EPYC: variants seen among roughly 807,000 people sequenced by gnomAD.
EPYC encodes dermatan sulfate proteoglycan 3.
Under a neutral mutation model 30.1 loss-of-function variants are expected in EPYC, and 28 were observed. The observed-to-expected ratio is 0.93, with a 90% CI of 0.69 to 1.28. The LOEUF (loss-of-function observed/expected upper bound fraction) is 1.28. EPYC is among the 50% of genes most tolerant of loss of function. EPYC has a pLI of 0.00. For synonymous variants in EPYC, 144 were observed against 141.4 expected (o/e 1.02, Z -0.13); for missense variants, 382 against 383.5 (o/e 1.00, Z 0.03).
intron 5 of EPYC, among the ~76,000 whole-genome samples, chr12:90,970,443 C>G (rs1011062055): frequency 5.9e-5 from 9 of 152,212 alleles, no homozygotes; most frequent in Admixed American, 1.3e-4. Context: ...AGCAAGGCTG[C>G]TTCTTCCTAT....
intron 3 of EPYC, among the ~76,000 whole-genome samples, chr12:90,977,693 T>C (rs140195409): frequency 9.2e-4 from 140 of 152,256 alleles, no homozygotes; most frequent in African/African-American, 3.1e-3. Context: ...GCTCAATTAG[T>C]GCAAAATATT....
chr12:90,999,045 T>C (rs1332504697), intron 2 of EPYC, among the ~76,000 whole-genome samples: 3 of 152,138 alleles, frequency 2.0e-5, no homozygotes, highest in African/African-American at 4.8e-5. Flanking sequence ...ATCTCTGTCA[T>C]GCTTCAAATT....
chr12:90,991,348 T>C (rs1214906535), intron 2 of EPYC, among the ~76,000 whole-genome samples: 2 of 152,152 alleles, frequency 1.3e-5, no homozygotes, highest in East Asian at 1.9e-4. Flanking sequence ...ATGAAAATTA[T>C]GCATATTAAT....
intron 6 of EPYC, among the ~76,000 whole-genome samples, chr12:90,966,971 C>A (rs1876912628): frequency 6.6e-6 from 1 of 151,952 alleles, no homozygotes; most frequent in South Asian, 2.1e-4. Flanking sequence ...GTAATGTCCC[C>A]TTTCTTATTC....
intron 3 of EPYC, among the ~76,000 whole-genome samples, chr12:90,974,007 T>G (rs185570426): frequency 2.5e-4 from 37 of 149,952 alleles, no homozygotes; most frequent in Admixed American, 2.2e-3. Flanking sequence ...TATCTTGACA[T>G]ACTGATTTTT....
intron 2 of EPYC, among the ~76,000 whole-genome samples, chr12:90,991,872 G>A (rs1034158140): frequency 1.3e-5 from 2 of 152,112 alleles, no homozygotes; most frequent in South Asian, 4.1e-4. Flanking sequence ...TCGGATGTAG[G>A]AGACAGAAAC....
chr12:90,998,374 G>T (rs998718158), intron 2 of EPYC, among the ~76,000 whole-genome samples: 8 of 151,998 alleles, frequency 5.3e-5, no homozygotes, highest in African/African-American at 1.9e-4. Context: ...TGGCATTGTT[G>T]GGTCTAAAAC....
intron 2 of EPYC, among the ~76,000 whole-genome samples, chr12:90,983,765 C>G (rs904385088): frequency 4.6e-5 from 7 of 152,132 alleles, no homozygotes; most frequent in Admixed American, 1.3e-4. Context: ...CTTCTAAAAA[C>G]CACTCCATCT....
At chr12:90,998,567 T>C (rs751576013) in intron 2 of EPYC, among the ~76,000 whole-genome samples, 2 of 152,100 alleles carry the variant, frequency 1.3e-5, no homozygotes, top group African/African-American at 2.4e-5. Context: ...CAAAGCTCAA[T>C]TGAGATTCTT....
chr12:90,988,384 A>T (rs1877502812), intron 2 of EPYC, among the ~76,000 whole-genome samples: 1 of 152,114 alleles, frequency 6.6e-6, no homozygotes, highest in South Asian at 2.1e-4. Flanking sequence ...CTGTGTTCAG[A>T]GAGGAATGGT....
chr12:90,964,061 C>T lies in EPYC; in HGVS notation c.*95G>A. The T allele has an allele frequency of 1.0e-6, 1 of 977,076 alleles. No individual in the cohort carries two copies. The highest frequency in any genetic ancestry group is 1.5e-6 in the Non-Finnish European group (1 of 661,606). The allele number at this position is 977,076 out of a possible 1,614,324, so 60.5% of individuals were successfully genotyped here. On this transcript the variant is annotated 3_prime_UTR_variant, in exon 7 of 7. Transcript: ENST00000261172. Reference sequence around the variant, plus strand: ...TGTAGTCATATCATCTCTCAGAACACAATCTCAAAGTATCATGCTGAGTTT... The same window carrying T: ...TGTAGTCATATCATCTCTCAGAACATAATCTCAAAGTATCATGCTGAGTTT...
At chr12:91,003,112 T>A (rs1241123225) in intron 1 of EPYC, among the ~76,000 whole-genome samples, 3 of 152,134 alleles carry the variant, frequency 2.0e-5, no homozygotes, top group Non-Finnish European at 2.9e-5. Context: ...AAAATAATTT[T>A]AAAAATAGGA....
At chr12:90,972,212 C>G (rs1346143932) in intron 4 of EPYC, among the ~76,000 whole-genome samples, 2 of 152,102 alleles carry the variant, frequency 1.3e-5, no homozygotes, top group African/African-American at 2.4e-5. Flanking sequence ...AATTGGTACA[C>G]CACGTTTAAA....
Position 90,972,979 on chromosome 12 carries a change from G to C in EPYC, c.342C>G (p.Asp114Glu), listed in dbSNP as rs202056300. The C allele has an allele frequency of 1.3e-4, 211 of 1,566,144 alleles. No homozygotes were observed. Among genetic ancestry groups the C allele is most frequent in the Non-Finnish European group, 1.8e-4 (204 of 1,153,654 alleles). Residue 114 changes from aspartate to glutamate, a missense_variant and splice_region_variant, in exon 4 of 7, where the codon GAC (aspartate) becomes GAG (glutamate). Physicochemically the swap from Asp to Glu is conservative, Grantham distance 45. Transcript: ENST00000261172. ...TGVLGPHTNEDFPTCLLCTCI... is the reference protein window; with the variant it reads ...TGVLGPHTNEEFPTCLLCTCI... ...AAGTACACAAAAGACAGGTTGGAAA[G>C]TCTAAAAGATAAAGGAAAATAAAAT...
At position 90,971,875 on chromosome 12, in the gene EPYC, C is replaced by T. The variant is rs762753449; in HGVS notation, c.627G>A (p.Leu209=). The T allele has an allele frequency of 1.2e-6, 2 of 1,612,040 alleles. No individual in the cohort carries two copies. Among genetic ancestry groups the T allele is most frequent in the Non-Finnish European group, 1.7e-6 (2 of 1,179,196 alleles). Residue 209 remains leucine, a synonymous_variant, in exon 5 of 7, where the codon TTG becomes TTA. Coordinates refer to ENST00000261172, the MANE Select transcript of EPYC (RefSeq NM_004950.5). ...RDNKIRQLPE[L]PTTLTFIDIS... is the part of the protein sequence containing the mutation. ...TATCAATAAATGTCAAAGTGGTTGG[C>T]AATTCTGGGAGCTGCCTTATTTTGT...
intron 3 of EPYC, 131 bp downstream of exon 3, chr12:90,977,957 G>A (rs1877226422): frequency 1.7e-6 from 1 of 572,292 alleles, no homozygotes; most frequent in South Asian, 5.2e-5. Flanking sequence ...GTATAAATAT[G>A]CTTCAAACCT....
At chr12:90,971,494 AC>A (rs1565870708) in intron 5 of EPYC, among the ~76,000 whole-genome samples, 1 of 151,904 alleles carries the variant, frequency 6.6e-6, no homozygotes, top group Non-Finnish European at 1.5e-5. Context: ...ATATGGCGAA[AC>A]CATGTCTCTA....
chr12:91,001,734 C>G (rs1016400546), intron 2 of EPYC, among the ~76,000 whole-genome samples: 8 of 152,076 alleles, frequency 5.3e-5, no homozygotes, highest in African/African-American at 1.9e-4. Flanking sequence ...TCACATCTTT[C>G]TCCTTTACCC....
At chr12:91,002,301 C>A in intron 2 of EPYC, 100 bp downstream of exon 2, 22 of 880,820 alleles carry the variant, frequency 2.5e-5, no homozygotes, top group East Asian at 3.2e-5. Context: ...TAAAATCTTT[C>A]TACTTATAAA....
Sources: allele counts gnomAD v4.1 joint callset (sites outside exome capture counted in the v4.1 genomes callset), GRCh38; gene constraint gnomAD v4.1.1; transcripts MANE v1.5; gene names NCBI Gene and HGNC (gene_info 2026-07-23, HGNC 2026-07-21).